The following USP43 variants were observed in gnomAD, a reference collection of about 807,000 sequenced individuals.
USP43 encodes the protein ubiquitin specific peptidase 43.
A neutral mutation model predicts 90.7 loss-of-function variants in USP43; 33 were observed. The ratio of observed to expected loss-of-function variants is 0.36; its 90% confidence interval spans 0.28 to 0.49. USP43 has a LOEUF of 0.49. USP43 is among the 20% of genes least tolerant of loss of function. The pLI, the probability that USP43 is intolerant of heterozygous loss-of-function variation, is 0.98. For synonymous variants in USP43, 598 were observed against 615.8 expected (o/e 0.97, Z 0.43); for missense variants, 1,274 against 1,476.4 (o/e 0.86, Z 2.25).
At chr17:9,708,620 G>GT (rs1393247873) in intron 12 of USP43, among the ~76,000 whole-genome samples, 1 of 152,054 alleles carries the variant, frequency 6.6e-6, no homozygotes, top group Non-Finnish European at 1.5e-5. Flanking sequence ...TCTAGGGCCT[G>GT]TTTTTTGTTG....
intron 14 of USP43, among the ~76,000 whole-genome samples, chr17:9,725,146 C>T (rs1157092861): frequency 6.6e-6 from 1 of 152,262 alleles, no homozygotes; most frequent in South Asian, 2.1e-4. Flanking sequence ...GGGGACTGAG[C>T]CTGTCAGCTG....
At chr17:9,717,731 T>C (rs1440339833) in intron 14 of USP43, among the ~76,000 whole-genome samples, 2 of 152,138 alleles carry the variant, frequency 1.3e-5, no homozygotes, top group East Asian at 3.9e-4. Flanking sequence ...CCATTCATGA[T>C]CCTGAGCTGG....
intron 14 of USP43, among the ~76,000 whole-genome samples, chr17:9,713,384 T>C (rs567328796): frequency 1.8e-3 from 271 of 152,262 alleles, no homozygotes; most frequent in Non-Finnish European, 3.1e-3. Flanking sequence ...CCACCGCACC[T>C]GGCCTATTTG....
At chr17:9,691,677 C>T (rs1914962610) in intron 8 of USP43, among the ~76,000 whole-genome samples, 1 of 152,118 alleles carries the variant, frequency 6.6e-6, no homozygotes, top group South Asian at 2.1e-4. Flanking sequence ...GCTGTACCAT[C>T]CATTTTATGT....
intron 1 of USP43, 44 bp downstream of exon 1, chr17:9,646,180 G>C: frequency 2.2e-6 from 3 of 1,388,750 alleles, no homozygotes; most frequent in South Asian, 3.2e-5. Context: ...CCCTGGTTTC[G>C]CCTCTTGAAA....
intron 12 of USP43, among the ~76,000 whole-genome samples, chr17:9,704,233 T>C (rs984379453): frequency 4.3e-4 from 66 of 152,202 alleles, no homozygotes; most frequent in African/African-American, 1.5e-3. Context: ...TTGCTTGTAT[T>C]GGGACCTGCA....
intron 3 of USP43, among the ~76,000 whole-genome samples, chr17:9,669,412 C>A (rs1913249755): frequency 6.6e-6 from 1 of 152,156 alleles, no homozygotes; most frequent in Non-Finnish European, 1.5e-5. Flanking sequence ...TTCAAATATT[C>A]AAGTGCCTGC....
intron 1 of USP43, among the ~76,000 whole-genome samples, chr17:9,653,880 ATTG>A (rs1255422512): frequency 1.3e-5 from 2 of 152,086 alleles, no homozygotes; most frequent in Non-Finnish European, 2.9e-5. Flanking sequence ...TTAGGTAGAT[ATTG>A]TTGTCTGGGT....
At chr17:9,695,193 T>G (rs945312127) in intron 9 of USP43, among the ~76,000 whole-genome samples, 12 of 145,978 alleles carry the variant, frequency 8.2e-5, no homozygotes, top group African/African-American at 3.1e-4. Context: ...CTGGTACAGC[T>G]CTCTCTGGCA....
intron 1 of USP43, 37 bp from the exon 2 acceptor site, chr17:9,656,366 G>A (rs1489672369): frequency 1.9e-6 from 3 of 1,598,186 alleles, no homozygotes; most frequent in African/African-American, 1.3e-5. Flanking sequence ...TGTATAAGGG[G>A]CCAAATTCAC....
At position 9,708,817 on chromosome 17, in the gene USP43, C is replaced by T. The variant is rs191599141; in HGVS notation, c.2012-1139C>T. 1.7e-3 allele frequency among the ~76,000 whole-genome samples: 258 copies of T among 152,060 alleles called. 1 individual carries two copies. The highest frequency in any genetic ancestry group is 5.8e-3 in the African/African-American group (242 of 41,458). ...TAATTTTTTGTATTTTTAATAGAGA[C>T]GGGGTTTCACCATGTTGGCCAGGTT... is the stretch of plus-strand genomic sequence containing the variant. On this transcript the variant is annotated intron_variant, in intron 12 of 14. Transcript: ENST00000285199.
chr17:9,645,689 C>T lies in USP43; in HGVS notation c.57C>T (p.Arg19=), dbSNP rs1270043393. The T allele has an allele frequency of 4.6e-6, 6 of 1,292,296 alleles. No individual in the cohort carries two copies. The South Asian group carries it at 9.9e-5, about 21-fold the overall frequency. The allele number at this position is 1,292,296 out of a possible 1,614,324, so 80.1% of individuals were successfully genotyped here. The change falls in exon 1 of 15, where the codon CGC becomes CGT. Residue 19 remains arginine, a synonymous_variant. Transcript: ENST00000285199. This position sits in a 1 kb window ranked among gnomAD's most constrained non-coding sequence, Gnocchi z 6.8. ...AGGGPLAPRP[R]RRRSLRRLFS... Reference sequence around the variant, plus strand: ...GGGGACCGCTCGCGCCCCGGCCCCGCCGCCGCCGCTCCCTGCGCCGCCTGT... The same window carrying T: ...GGGGACCGCTCGCGCCCCGGCCCCGTCGCCGCCGCTCCCTGCGCCGCCTGT...
intron 9 of USP43, among the ~76,000 whole-genome samples, chr17:9,697,115 G>T (rs1945683342): frequency 6.6e-6 from 1 of 152,184 alleles, no homozygotes; most frequent in Admixed American, 6.5e-5. Flanking sequence ...TACTTGGGAG[G>T]CTGAGGCAGG....
Position 9,674,910 on chromosome 17 carries a change from C to A in USP43, c.760C>A (p.His254Asn). The A allele has an allele frequency of 1.2e-6, 2 of 1,614,044 alleles. No individual in the cohort carries two copies. The highest frequency in any genetic ancestry group is 1.3e-5 in the African/African-American group (1 of 75,062). ...AQYRSSLTCP[H>N]CLKQSNTFDP... ...TCACAGATCTTCCTTGACTTGTCCC[C>A]ACTGCCTGAAACAGAGCAACACCTT... The change falls in exon 4 of 15, where the codon CAC becomes AAC. Residue 254 changes from histidine (H) to asparagine (N), a missense_variant. By Grantham distance (68) the His-to-Asn change is moderately conservative (BLOSUM62 1). This residue lies in a region of USP43 where 259 missense variants were observed against 373.7 expected (regional missense o/e 0.69). Coordinates refer to ENST00000285199, the MANE Select transcript of USP43 (RefSeq NM_153210.5). The surrounding 1 kb of genome is among the most constrained non-coding windows in gnomAD (Gnocchi z 4.4).
At chr17:9,681,165 AAT>A (rs1443087916) in intron 6 of USP43, among the ~76,000 whole-genome samples, 156 of 66,656 alleles carry the variant, frequency 2.3e-3, no homozygotes, top group Middle Eastern at 6.3e-3. Context: ...TATACTATAT[AAT>A]ATATACTATA....
chr17:9,722,910 A>G (rs1158498693), intron 14 of USP43, among the ~76,000 whole-genome samples: 1 of 152,174 alleles, frequency 6.6e-6, no homozygotes, highest in Non-Finnish European at 1.5e-5. Flanking sequence ...TCTGTCCTGC[A>G]TGTAGGGTGG....
chr17:9,701,775 C>G lies in USP43; in HGVS notation c.2011+75C>G, dbSNP rs1287432811. ...AGATGTCCCTGGAATGGGTGTTGCT[C>G]AGATGCTGAGCTCCCTGGGGCACTT... On this transcript the variant is annotated intron_variant, in intron 12 of 14. Coordinates refer to ENST00000285199, the MANE Select transcript of USP43 (RefSeq NM_153210.5). This position sits in a 1 kb window ranked among gnomAD's most constrained non-coding sequence, Gnocchi z 7.2. The G allele has an allele frequency of 7.6e-7, 1 of 1,319,970 alleles. No individual in the cohort carries two copies. Among genetic ancestry groups the G allele is most frequent in the Non-Finnish European group, 1.0e-6 (1 of 980,532 alleles). 81.8% of individuals were successfully genotyped at this position (1,319,970 alleles called of 1,614,324 possible). A position where few individuals can be genotyped will look rare whatever the true frequency, so the allele number is the denominator to read the frequency against.
chr17:9,681,483 T>TA (rs1567661279), intron 6 of USP43, among the ~76,000 whole-genome samples: 2 of 31,098 alleles, frequency 6.4e-5, no homozygotes, highest in Non-Finnish European at 1.1e-4. Flanking sequence ...TATATATATA[T>TA]ATATATATAT....
intron 14 of USP43, among the ~76,000 whole-genome samples, chr17:9,714,382 C>T (rs1372634322): frequency 1.3e-5 from 2 of 152,112 alleles, no homozygotes; most frequent in East Asian, 3.9e-4. Flanking sequence ...GGAAATAGTA[C>T]AGATGAAAAA....
Sources: allele counts gnomAD v4.1 joint callset (sites outside exome capture counted in the v4.1 genomes callset), GRCh38; gene constraint gnomAD v4.1.1; regional missense constraint gnomAD v4.1.1; non-coding constraint Gnocchi (gnomAD v3.1); transcripts MANE v1.5; gene names NCBI Gene and HGNC (gene_info 2026-07-23, HGNC 2026-07-21).